Variants in GRID2 observed in about 807,000 individuals in gnomAD.
The protein encoded by GRID2 is glutamate ionotropic receptor delta type subunit 2.
GRID2 carries 33 observed loss-of-function variants against 114.8 expected under a neutral mutation model. The observed-to-expected ratio is 0.29, with a 90% CI of 0.22 to 0.38. GRID2 has a LOEUF of 0.38. GRID2 is among the 10% of genes least tolerant of loss of function. The probability of loss-of-function intolerance (pLI) is 1.00; values close to 1 mark genes in which losing one functional copy is unlikely to be tolerated. For synonymous variants in GRID2, 505 were observed against 449.9 expected, an observed-to-expected ratio of 1.12 and a Z score of -1.55; for missense variants, 1,184 against 1,257.7, an observed-to-expected ratio of 0.94 and a Z score of 0.89.
At chr4:93,137,272 G>C (rs1383755688) in intron 4 of GRID2, among the ~76,000 whole-genome samples, 1 of 152,020 alleles carries the variant, frequency 6.6e-6, no homozygotes, top group Non-Finnish European at 1.5e-5. Context: ...TTGAACTTCT[G>C]GGGAAAAAAT....
At chr4:92,730,681 G>A (rs897749510) in intron 2 of GRID2, among the ~76,000 whole-genome samples, 1 of 151,880 alleles carries the variant, frequency 6.6e-6, no homozygotes, top group South Asian at 2.1e-4. Flanking sequence ...TAATAACATG[G>A]CATCTTTCAC....
chr4:93,310,285 G>A (rs888647945), intron 8 of GRID2, among the ~76,000 whole-genome samples: 1 of 152,006 alleles, frequency 6.6e-6, no homozygotes, highest in African/African-American at 2.4e-5. Context: ...TTTGGGAGGT[G>A]GAGGCAGGCA....
At chr4:93,568,166 C>T (rs1043713188) in intron 13 of GRID2, among the ~76,000 whole-genome samples, 18 of 152,166 alleles carry the variant, frequency 1.2e-4, no homozygotes, top group African/African-American at 4.1e-4. Flanking sequence ...GCCTTGCAAG[C>T]ATGGTCATTG....
At chr4:93,028,287 T>C (rs561660796) in intron 2 of GRID2, among the ~76,000 whole-genome samples, 21 of 152,088 alleles carry the variant, frequency 1.4e-4, no homozygotes, top group African/African-American at 5.1e-4. Context: ...AAAGAAGGTA[T>C]CTAGAACAGT....
intron 1 of GRID2, among the ~76,000 whole-genome samples, chr4:92,394,033 G>A (rs1327607547): frequency 6.6e-6 from 1 of 152,070 alleles, no homozygotes; most frequent in Non-Finnish European, 1.5e-5. Context: ...TAAGCAAAGG[G>A]TGATTTGGTT....
chr4:92,678,235 T>C (rs547258740), intron 2 of GRID2, among the ~76,000 whole-genome samples: 2 of 152,246 alleles, frequency 1.3e-5, no homozygotes, highest in East Asian at 3.9e-4. Flanking sequence ...TTCTTAGTAA[T>C]ATTTATCAGC....
chr4:93,699,507 A>T (rs1387104319), intron 14 of GRID2, among the ~76,000 whole-genome samples: 2 of 152,138 alleles, frequency 1.3e-5, no homozygotes, highest in Non-Finnish European at 2.9e-5. Context: ...TCCATAAGAT[A>T]TTAATATCTA....
Position 92,600,024 on chromosome 4 carries a change from ATGTGTG to A in GRID2, c.244+9754_244+9759del, listed in dbSNP as rs145357264. On this transcript the variant is annotated intron_variant, in intron 2 of 15. Coordinates refer to ENST00000282020, the MANE Select transcript of GRID2 (RefSeq NM_001510.4). The stretch of plus-strand genomic sequence containing the variant: ...TGGGCGACAGGGCAATACTTCATGT[ATGTGTG>A]TGTGTGTGTGTGTGTATATATATAT... 1.6e-3 allele frequency among the ~76,000 whole-genome samples: 124 copies of A among 79,638 alleles called. 2 individuals are homozygous for A. The highest frequency in any genetic ancestry group is 3.0e-3 in the African/African-American group (54 of 17,838). 52.2% of individuals were successfully genotyped at this position (79,638 alleles called of 152,430 possible).
intron 8 of GRID2, among the ~76,000 whole-genome samples, chr4:93,338,982 T>C (rs1759365746): frequency 2.0e-5 from 3 of 152,176 alleles, no homozygotes; most frequent in African/African-American, 7.2e-5. Context: ...CTTGAATCAC[T>C]TGCTTTAGAG....
chr4:93,503,631 C>T (rs965671317), intron 12 of GRID2, among the ~76,000 whole-genome samples: 15 of 151,918 alleles, frequency 9.9e-5, no homozygotes, highest in Admixed American at 7.9e-4. Context: ...CAGCTTCACC[C>T]ATGTCCCTAC....
chr4:93,553,669 C>G (rs192598351), intron 13 of GRID2, among the ~76,000 whole-genome samples: 2 of 152,264 alleles, frequency 1.3e-5, no homozygotes, highest in Admixed American at 6.5e-5. Flanking sequence ...CTACTTTTAA[C>G]TTTTAAAAGT....
intron 2 of GRID2, among the ~76,000 whole-genome samples, chr4:93,044,095 C>T (rs1363995329): frequency 6.6e-6 from 1 of 151,978 alleles, no homozygotes; most frequent in Admixed American, 6.6e-5. Flanking sequence ...CTGCAGAAAA[C>T]CAACAAGTAT....
chr4:93,063,091 T>A (rs1408571712), intron 2 of GRID2, among the ~76,000 whole-genome samples: 2 of 151,936 alleles, frequency 1.3e-5, no homozygotes, highest in African/African-American at 4.8e-5. Context: ...ATGTTTGGGC[T>A]TTCTTACACT....
intron 4 of GRID2, among the ~76,000 whole-genome samples, chr4:93,144,746 A>AG (rs1553995721): frequency 2.0e-5 from 3 of 151,658 alleles, no homozygotes; most frequent in Admixed American, 2.0e-4. Context: ...TCTGTTGCTT[A>AG]AACAACAATA....
At chr4:92,674,820 C>T (rs1159280717) in intron 2 of GRID2, among the ~76,000 whole-genome samples, 2 of 152,230 alleles carry the variant, frequency 1.3e-5, no homozygotes, top group African/African-American at 2.4e-5. Context: ...TGAGCCACTG[C>T]TCCCGGCCTG....
intron 2 of GRID2, among the ~76,000 whole-genome samples, chr4:92,890,130 G>T (rs1317366476): frequency 6.6e-6 from 1 of 152,124 alleles, no homozygotes; most frequent in African/African-American, 2.4e-5. Context: ...ATGAATTAAA[G>T]ACTTAAACGA....
chr4:92,922,969 A>G (rs1292238159), intron 2 of GRID2, among the ~76,000 whole-genome samples: 1 of 152,202 alleles, frequency 6.6e-6, no homozygotes, highest in South Asian at 2.1e-4. Context: ...TGCACTTGCT[A>G]TGCTGTTGTA....
intron 2 of GRID2, among the ~76,000 whole-genome samples, chr4:92,972,745 T>A (rs867396251): frequency 7.2e-5 from 11 of 152,154 alleles, no homozygotes; most frequent in Middle Eastern, 3.4e-3. Context: ...TTCCTGATCC[T>A]CTCCCTCCTC....
intron 2 of GRID2, among the ~76,000 whole-genome samples, chr4:92,783,937 A>C (rs193108758): frequency 1.3e-5 from 2 of 151,908 alleles, no homozygotes; most frequent in Admixed American, 1.3e-4. Flanking sequence ...CTATTTTAAA[A>C]CTTCTTAAGA....
Sources: gnomAD v4.1 joint callset for allele counts (sites outside exome capture counted in the v4.1 genomes callset) on GRCh38, gnomAD v4.1.1 for gene constraint, MANE v1.5 for transcripts, NCBI Gene and HGNC (gene_info 2026-07-23, HGNC 2026-07-21) for gene names.